Variants in CLMN observed in about 807,000 individuals in gnomAD.
The protein encoded by CLMN is calmin.
A neutral mutation model predicts 92.7 loss-of-function variants in CLMN; 57 were observed. The observed-to-expected ratio is 0.61, with a 90% CI of 0.50 to 0.77. CLMN has a LOEUF of 0.77. Among genes scored for constraint, CLMN ranks in the 30% least tolerant of loss-of-function variants. CLMN has a pLI of 0.00. For synonymous variants in CLMN, 466 were observed against 470.6 expected (o/e 0.99, Z 0.13); for missense variants, 1,158 against 1,237.5 (o/e 0.94, Z 0.96).
intron 1 of CLMN, among the ~76,000 whole-genome samples, chr14:95,265,462 A>C (rs1899435788): frequency 6.6e-6 from 1 of 152,202 alleles, no homozygotes; most frequent in South Asian, 2.1e-4. Context: ...CAAACTCCAC[A>C]ATTGCATAAA....
chr14:95,290,332 A>G (rs1313877436), intron 1 of CLMN, among the ~76,000 whole-genome samples: 2 of 152,240 alleles, frequency 1.3e-5, no homozygotes, highest in Non-Finnish European at 2.9e-5. Flanking sequence ...TGTTGCCTTT[A>G]TGTGGCAAAA....
At chr14:95,314,803 A>G (rs1901691692) in intron 1 of CLMN, among the ~76,000 whole-genome samples, 1 of 152,214 alleles carries the variant, frequency 6.6e-6, no homozygotes, top group South Asian at 2.1e-4. Flanking sequence ...GCCTGACCCC[A>G]GCCACAGTCA....
At chr14:95,317,112 TCATC>T (rs949228428) in intron 1 of CLMN, among the ~76,000 whole-genome samples, 1 of 152,162 alleles carries the variant, frequency 6.6e-6, no homozygotes, top group Admixed American at 6.5e-5. Context: ...CCAAAGTCGA[TCATC>T]CAGGCACATC....
intron 1 of CLMN, among the ~76,000 whole-genome samples, chr14:95,272,058 T>A (rs1213122328): frequency 6.6e-6 from 1 of 152,262 alleles, no homozygotes; most frequent in African/African-American, 2.4e-5. Context: ...TTGATGGGCA[T>A]GCATCTTGTC....
chr14:95,222,914 C>T (rs894939063), intron 3 of CLMN, among the ~76,000 whole-genome samples: 1 of 152,220 alleles, frequency 6.6e-6, no homozygotes, highest in African/African-American at 2.4e-5. Flanking sequence ...ACGCTCTGTG[C>T]TGGCTGAGCT....
intron 1 of CLMN, among the ~76,000 whole-genome samples, chr14:95,262,692 GAGT>G (rs1899307228): frequency 6.6e-6 from 1 of 151,986 alleles, no homozygotes; most frequent in Non-Finnish European, 1.5e-5. Context: ...TCAGCCTTCC[GAGT>G]AGCTGGGACT....
chr14:95,243,446 T>C (rs1384057948), intron 1 of CLMN, among the ~76,000 whole-genome samples: 1 of 152,102 alleles, frequency 6.6e-6, no homozygotes, highest in African/African-American at 2.4e-5. Flanking sequence ...GTACTGAAAA[T>C]CACATTTGGG....
chr14:95,220,086 C>T (rs1443550028), intron 4 of CLMN, among the ~76,000 whole-genome samples: 1 of 150,330 alleles, frequency 6.7e-6, no homozygotes, highest in Non-Finnish European at 1.5e-5. Context: ...GCTTCTCTCA[C>T]TTAGCATGTT....
intron 1 of CLMN, among the ~76,000 whole-genome samples, chr14:95,316,541 C>A (rs982978684): frequency 6.6e-6 from 1 of 152,222 alleles, no homozygotes; most frequent in African/African-American, 2.4e-5. Context: ...GTCGAGAAAT[C>A]TTCATTCCAA....
intron 1 of CLMN, among the ~76,000 whole-genome samples, chr14:95,263,179 C>G (rs1219611618): frequency 2.0e-5 from 3 of 152,174 alleles, no homozygotes; most frequent in Non-Finnish European, 4.4e-5. Context: ...CCTCAGGAAA[C>G]TTACAATCAT....
intron 7 of CLMN, 113 bp downstream of exon 7, chr14:95,210,573 G>GA (rs1897167870): frequency 2.1e-5 from 23 of 1,087,198 alleles, no homozygotes; most frequent in South Asian, 8.9e-5. Context: ...AAATATAGGA[G>GA]AAAAAATCTT....
chr14:95,312,993 G>A (rs979080868), intron 1 of CLMN, among the ~76,000 whole-genome samples: 1 of 152,178 alleles, frequency 6.6e-6, no homozygotes, highest in Non-Finnish European at 1.5e-5. Flanking sequence ...ATCACCTGAG[G>A]TCAGGAGTTC....
chr14:95,310,759 C>A (rs1021999925), intron 1 of CLMN, among the ~76,000 whole-genome samples: 1 of 152,174 alleles, frequency 6.6e-6, no homozygotes, highest in Non-Finnish European at 1.5e-5. Context: ...CTGTTCTGGG[C>A]ATGGTCACAG....
chr14:95,192,523 G>C (rs1054321468), intron 12 of CLMN: 1 of 152,176 alleles, frequency 6.6e-6, no homozygotes, highest in Admixed American at 6.5e-5. Context: ...GATTACGAGA[G>C]GCTAAAACCA....
chr14:95,245,012 T>C (rs1414998128), intron 1 of CLMN, among the ~76,000 whole-genome samples: 2 of 110,380 alleles, frequency 1.8e-5, no homozygotes, highest in African/African-American at 7.2e-5. Context: ...CACACACACA[T>C]AAGGATCTAA....
intron 1 of CLMN, among the ~76,000 whole-genome samples, chr14:95,302,167 G>T (rs1383391968): frequency 2.0e-5 from 3 of 152,170 alleles, no homozygotes; most frequent in Admixed American, 6.5e-5. Context: ...GGGCATGGTG[G>T]TGTGCACCTG....
In CLMN at chr14:95,194,253, T is replaced by C. The variant is rs113514174; in HGVS notation, c.2769+283A>G. 8.9e-3 allele frequency: 12,435 copies of C among 1,390,838 alleles called. 952 individuals carry two copies. The African/African-American group carries it at 0.16, about 18-fold the overall frequency. 86.2% of individuals were successfully genotyped at this position (1,390,838 alleles called of 1,614,324 possible). ...GCACCTCTGTCTCTGAACGTGATCC[T>C]TCTGGGTGCGCGCGGGGTCCAGGTG... On this transcript the variant is annotated intron_variant, in intron 11 of 12. Coordinates refer to ENST00000298912, the MANE Select transcript of CLMN (RefSeq NM_024734.4). This position sits in a 1 kb window ranked among gnomAD's most constrained non-coding sequence, Gnocchi z 4.0.
intron 1 of CLMN, 151 bp from the exon 2 acceptor site, chr14:95,230,284 A>T (rs1371827646): frequency 1.4e-6 from 1 of 705,296 alleles, no homozygotes; most frequent in Non-Finnish European, 2.5e-6. Flanking sequence ...AGGGGTTGGC[A>T]ACGCCTTACC....
At chr14:95,235,117 T>C (rs1331321140) in intron 1 of CLMN, among the ~76,000 whole-genome samples, 8 of 149,492 alleles carry the variant, frequency 5.4e-5, no homozygotes, top group African/African-American at 1.8e-4. Context: ...TCTTTCTCTC[T>C]CTCTCACACA....
Sources: allele counts gnomAD v4.1 joint callset (sites outside exome capture counted in the v4.1 genomes callset), GRCh38; gene constraint gnomAD v4.1.1; non-coding constraint Gnocchi (gnomAD v3.1); transcripts MANE v1.5; gene names NCBI Gene and HGNC (gene_info 2026-07-23, HGNC 2026-07-21).